Variants in PPP2R2B observed in about 807,000 individuals in gnomAD.
PPP2R2B encodes serine/threonine-protein phosphatase 2A 55 kDa regulatory subunit B beta isoform.
A neutral mutation model predicts 46.0 loss-of-function variants in PPP2R2B; 5 were observed. That is an observed-to-expected ratio of 0.11 (90% CI 0.06 to 0.23). The LOEUF (loss-of-function observed/expected upper bound fraction) is 0.23, where lower values mean the gene tolerates loss of function less well. PPP2R2B is among the 10% of genes least tolerant of loss of function. The pLI, the probability that PPP2R2B is intolerant of heterozygous loss-of-function variation, is 1.00. For missense variants in PPP2R2B, 367 were observed against 575.0 expected (o/e 0.64, Z 3.70); for synonymous variants, 215 against 206.7 (o/e 1.04, Z -0.34).
At chr5:147,076,229 A>C (rs1183747129) in intron 2 of PPP2R2B, among the ~76,000 whole-genome samples, 1 of 152,160 alleles carries the variant, frequency 6.6e-6, no homozygotes, top group African/African-American at 2.4e-5. Flanking sequence ...TGTACCTCTT[A>C]TTGTATGAAA....
In PPP2R2B at chr5:146,798,639, GAACA is replaced by G. The variant is rs1260648455; in HGVS notation, c.70+79359_70+79362del. 1.4e-4 allele frequency among the ~76,000 whole-genome samples: 22 copies of G among 152,160 alleles called. 1 individual carries two copies. ...TAATCTAACAGTGCATTAACACTGA[GAACA>G]AACAAAATTATCAACAGTAGCAACT... is the stretch of plus-strand genomic sequence containing the variant. On this transcript the variant is annotated intron_variant, in intron 2 of 9. Transcript: ENST00000394411.
At chr5:146,845,615 A>G (rs609325) in intron 2 of PPP2R2B, among the ~76,000 whole-genome samples, 16,808 of 152,156 alleles carry the variant, frequency 0.11, 1,594 homozygotes, top group African/African-American at 0.26. Context: ...TAAGCTGAAG[A>G]ACAGACACTG....
intron 1 of PPP2R2B, among the ~76,000 whole-genome samples, chr5:146,963,472 T>C (rs567347781): frequency 6.6e-6 from 1 of 152,230 alleles, no homozygotes; most frequent in Non-Finnish European, 1.5e-5. Flanking sequence ...TCCAGGTTAG[T>C]CCTCCACTCA....
chr5:147,019,681 A>G (rs1755171283), intron 1 of PPP2R2B, among the ~76,000 whole-genome samples: 1 of 152,172 alleles, frequency 6.6e-6, no homozygotes, highest in Admixed American at 6.6e-5. Context: ...TACTACCAAA[A>G]ATATAGCAAG....
At chr5:146,885,760 T>C (rs900426053) in intron 1 of PPP2R2B, among the ~76,000 whole-genome samples, 14 of 152,200 alleles carry the variant, frequency 9.2e-5, no homozygotes, top group African/African-American at 3.4e-4. Context: ...CAAAATGTTA[T>C]ATGTCCATAC....
chr5:146,692,432 C>T (rs762325386), intron 4 of PPP2R2B, among the ~76,000 whole-genome samples: 11 of 152,130 alleles, frequency 7.2e-5, no homozygotes, highest in Non-Finnish European at 1.0e-4. Flanking sequence ...AACTCCCATC[C>T]CTACACCTGT....
chr5:146,867,153 G>A lies in PPP2R2B; in HGVS notation c.70+10849C>T, dbSNP rs75335036. The stretch of plus-strand genomic sequence containing the variant: ...ATTTCAAAAGACTTGACAAAGCATT[G>A]TCAAATTAAAAGTAGGAGATATAAA... On this transcript the variant is annotated intron_variant, in intron 2 of 9. Coordinates refer to ENST00000394411, the MANE Select transcript of PPP2R2B (RefSeq NM_181675.4). Among the ~76,000 whole-genome samples, 1,249 of 152,268 alleles carry A rather than the reference G, an allele frequency of 8.2e-3. 22 individuals are homozygous for A. The highest frequency in any genetic ancestry group is 0.029 in the African/African-American group (1,203 of 41,558).
chr5:146,715,815 T>C (rs1308880492), intron 2 of PPP2R2B, among the ~76,000 whole-genome samples: 1 of 152,152 alleles, frequency 6.6e-6, no homozygotes, highest in Non-Finnish European at 1.5e-5. Flanking sequence ...ATACTATCTC[T>C]TCTTTTTTCT....
chr5:146,730,139 C>A (rs112708135), intron 2 of PPP2R2B, among the ~76,000 whole-genome samples: 3,634 of 152,284 alleles, frequency 0.024, 136 homozygotes, highest in African/African-American at 0.079. Context: ...GGATATGAGA[C>A]CTGGAGTCAA....
intron 2 of PPP2R2B, among the ~76,000 whole-genome samples, chr5:146,747,207 G>C (rs2151229994): frequency 6.6e-6 from 1 of 152,264 alleles, no homozygotes; most frequent in South Asian, 2.1e-4. Context: ...AGAAAAAATG[G>C]CTCTTGTCTC....
chr5:146,828,611 C>G (rs905569626), intron 2 of PPP2R2B, among the ~76,000 whole-genome samples: 11 of 152,158 alleles, frequency 7.2e-5, no homozygotes, highest in African/African-American at 2.4e-4. Context: ...GCTGTAGAGA[C>G]AGCCAGATGG....
chr5:146,952,242 G>A (rs1447618763), intron 1 of PPP2R2B, among the ~76,000 whole-genome samples: 1 of 151,894 alleles, frequency 6.6e-6, no homozygotes, highest in Non-Finnish European at 1.5e-5. Flanking sequence ...CCTTTGTAAT[G>A]ATCACTTATT....
chr5:146,789,014 A>G (rs1756024816), intron 2 of PPP2R2B, among the ~76,000 whole-genome samples: 1 of 152,242 alleles, frequency 6.6e-6, no homozygotes, highest in South Asian at 2.1e-4. Context: ...AGTTGGGACC[A>G]AGATAACATC....
chr5:146,896,970 C>G (rs368112602), intron 1 of PPP2R2B, among the ~76,000 whole-genome samples: 6 of 151,990 alleles, frequency 3.9e-5, no homozygotes, highest in Admixed American at 2.0e-4. Flanking sequence ...TGATTTAGAA[C>G]AAGCAGAAAA....
chr5:146,747,861 T>A (rs1471526005), intron 2 of PPP2R2B, among the ~76,000 whole-genome samples: 1 of 152,000 alleles, frequency 6.6e-6, no homozygotes, highest in African/African-American at 2.4e-5. Flanking sequence ...AGTTGTGAAT[T>A]TTTTTTTGGC....
chr5:146,742,306 T>C (rs1249018450), intron 2 of PPP2R2B, among the ~76,000 whole-genome samples: 4 of 152,188 alleles, frequency 2.6e-5, no homozygotes, highest in African/African-American at 4.8e-5. Flanking sequence ...GCCTCCTTAC[T>C]GTATGAAAGG....
chr5:147,054,433 G>A (rs575623516), intron 1 of PPP2R2B, among the ~76,000 whole-genome samples: 2 of 151,902 alleles, frequency 1.3e-5, no homozygotes, highest in South Asian at 4.2e-4. Context: ...ATTTCTCAGT[G>A]GACCATTTCC....
chr5:147,014,178 A>T (rs1326057937), intron 1 of PPP2R2B, among the ~76,000 whole-genome samples: 1 of 131,740 alleles, frequency 7.6e-6, no homozygotes, highest in South Asian at 2.5e-4. Context: ...AATCAAAACC[A>T]CAATGAGATA....
chr5:146,592,943 G>C lies in PPP2R2B; in HGVS notation c.1052+28C>G, dbSNP rs374253101. On this transcript the variant is annotated intron_variant, in intron 9 of 9. Transcript: ENST00000394411. ...AGCCTCTTCAAGACAATCTTTGGAA[G>C]GTTCTTCAGCCACAGAGCCTTTCTT... 1.3e-5 allele frequency: 20 copies of C among 1,566,640 alleles called. No homozygotes were observed. The African/African-American group carries it at 2.7e-4, about 21-fold the overall frequency.
Sources: allele counts gnomAD v4.1 joint callset (sites outside exome capture counted in the v4.1 genomes callset), GRCh38; gene constraint gnomAD v4.1.1; transcripts MANE v1.5; gene names NCBI Gene and HGNC (gene_info 2026-07-23, HGNC 2026-07-21).